The following FCRL4 variants were observed in gnomAD, a reference collection of about 807,000 sequenced individuals.
FCRL4 encodes Fc receptor-like protein 4.
FCRL4 carries 43 observed loss-of-function variants against 64.1 expected under a neutral mutation model. The ratio of observed to expected loss-of-function variants is 0.67; its 90% CI spans 0.53 to 0.87. The LOEUF (loss-of-function observed/expected upper bound fraction) is 0.87. Among genes scored for constraint, FCRL4 ranks in the 40% least tolerant of loss-of-function variants. The pLI, the probability that FCRL4 is intolerant of heterozygous loss-of-function variation, is 0.00. For synonymous variants in FCRL4, 253 were observed against 239.8 expected, an observed-to-expected ratio of 1.05 and a Z score of -0.51; for missense variants, 656 against 613.5, an observed-to-expected ratio of 1.07 and a Z score of -0.73.
At chr1:157,582,148 GGGCAGGAGAGA>G (rs1652574920) in intron 6 of FCRL4, among the ~76,000 whole-genome samples, 1 of 152,202 alleles carries the variant, frequency 6.6e-6, no homozygotes, top group African/African-American at 2.4e-5. Flanking sequence ...GTGCTCTGAA[GGGCAGGAGAGA>G]AAAAAACGGA....
intron 3 of FCRL4, 142 bp from the exon 4 acceptor site, chr1:157,588,261 A>G (rs947735760): frequency 9.9e-6 from 9 of 910,836 alleles, no homozygotes; most frequent in Non-Finnish European, 1.3e-5. Flanking sequence ...ACTCCTCCTA[A>G]ATCAGTGTAA....
At chr1:157,581,473 A>T (rs1229863492) in intron 7 of FCRL4, 58 bp downstream of exon 7, 1 of 1,456,290 alleles carries the variant, frequency 6.9e-7, no homozygotes. Flanking sequence ...GGCTGTCTGC[A>T]TGCTGAGTTC....
At chr1:157,594,567 T>C (rs764913501) in intron 2 of FCRL4, among the ~76,000 whole-genome samples, 5 of 152,248 alleles carry the variant, frequency 3.3e-5, no homozygotes, top group Non-Finnish European at 7.3e-5. Flanking sequence ...TTTTCAAAAA[T>C]AAAATCTCAA....
Position 157,587,865 on chromosome 1 carries a change from C to A in FCRL4, c.562G>T (p.Glu188Ter). Residue 188 changes from glutamate to a stop codon, truncating the protein, a stop_gained and splice_region_variant, in exon 4 of 12, where the codon GAA becomes TAA. Transcript: ENST00000271532. LOFTEE classifies it high-confidence loss of function. ...RSNFKIIKIQ[E>*]LFPHPELKAT... ...AATCTATATGAACTGAAAGATTCAC[C>A]TTGAATTTTAATTATTTTGAAATTT... 6.2e-7 allele frequency: 1 copy of A among 1,602,692 alleles called. No homozygotes were observed.
At chr1:157,589,558 C>G in intron 2 of FCRL4, 100 bp from the exon 3 acceptor site, 1 of 1,435,516 alleles carries the variant, frequency 7.0e-7, no homozygotes, top group South Asian at 1.3e-5. Context: ...TGGGAGATCC[C>G]TAAGATGCCC....
At position 157,585,395 on chromosome 1, in the gene FCRL4, C is replaced by CTTCT. The variant is rs1171212642; in HGVS notation, c.1135+769_1135+772dup. Among the ~76,000 whole-genome samples, 142 of 80,886 alleles carry CTTCT rather than the reference C, an allele frequency of 1.8e-3. 2 individuals are homozygous for CTTCT. The highest frequency in any genetic ancestry group is 6.1e-3 in the African/African-American group (126 of 20,496). The allele number at this position is 80,886 out of a possible 152,430, so 53.1% of individuals were successfully genotyped here. A position where few individuals can be genotyped will look rare whatever the true frequency, so the allele number is the denominator to read the frequency against. Reference sequence around the variant, plus strand: ...CTTTCTTTCTTTCTTTCTTTCTTTCCTTCTTTCTTTCTTTCTTTCTTTCTT... The same window carrying CTTCT: ...CTTTCTTTCTTTCTTTCTTTCTTTCCTTCTTTCTTTCTTTCTTTCTTTCTTTCTT... On this transcript the variant is annotated intron_variant, in intron 6 of 11. Transcript: ENST00000271532.
In FCRL4 at chr1:157,578,774, A is replaced by G; in HGVS notation, c.1356T>C (p.Val452=). The stretch of plus-strand genomic sequence containing the variant: ...TTCCTAGAAGGGAATCCTCACCATC[A>G]ACATACAACGACTGAAGCTCCACCT... ...PAQVELQSLY[V]DVHPKKGDLV... is the part of the protein sequence containing the mutation. The change falls in exon 9 of 12, where the codon GTT becomes GTC. Residue 452 remains valine, a synonymous_variant. Coordinates refer to ENST00000271532, the MANE Select transcript of FCRL4 (RefSeq NM_031282.3). The G allele has an allele frequency of 2.5e-6, 4 of 1,613,866 alleles. No homozygotes were observed. The highest frequency in any genetic ancestry group is 3.4e-6 in the Non-Finnish European group (4 of 1,179,818).
intron 6 of FCRL4, among the ~76,000 whole-genome samples, chr1:157,583,058 C>T (rs1395729889): frequency 1.3e-5 from 2 of 152,198 alleles, no homozygotes; most frequent in African/African-American, 4.8e-5. Flanking sequence ...GTTAGAAAGG[C>T]ACAGATTCTA....
intron 2 of FCRL4, among the ~76,000 whole-genome samples, chr1:157,592,797 TG>T (rs1456716428): frequency 1.3e-5 from 2 of 152,238 alleles, no homozygotes; most frequent in East Asian, 3.8e-4. Flanking sequence ...ATATGTTTAT[TG>T]TGGCACTGTT....
chr1:157,590,519 T>G (rs1652815278), intron 2 of FCRL4, among the ~76,000 whole-genome samples: 1 of 111,040 alleles, frequency 9.0e-6, no homozygotes, highest in Non-Finnish European at 1.7e-5. Context: ...TTAGTCTGTC[T>G]TTTTTTTTTT....
intron 2 of FCRL4, among the ~76,000 whole-genome samples, chr1:157,592,537 T>C (rs1379482919): frequency 1.3e-5 from 2 of 152,166 alleles, no homozygotes; most frequent in Non-Finnish European, 2.9e-5. Context: ...CACAATGAGA[T>C]ACCATCTCAT....
intron 10 of FCRL4, 81 bp from the exon 11 acceptor site, chr1:157,575,811 CTG>C (rs1652391616): frequency 1.5e-6 from 2 of 1,327,122 alleles, no homozygotes; most frequent in Admixed American, 3.4e-5. Flanking sequence ...GCCCTAGAGT[CTG>C]AGAGCCACTG....
rs1204604776 is a variant in FCRL4, at chr1:157,589,458, G to A, written c.53C>T (p.Ala18Val). Residue 18 changes from alanine (A) to valine (V), a missense_variant and splice_region_variant, in exon 3 of 12, where the codon GCA becomes GTA. Ala to Val is a moderately conservative substitution (Grantham distance 64, BLOSUM62 0). Coordinates refer to ENST00000271532, the MANE Select transcript of FCRL4 (RefSeq NM_031282.3). ...GGAAATCACAGGTTTGTGTGCAGCT[G>A]CTGAGGAGGAAAGAGTAATAGGTCT... ...LAFAPVCGQS[A>V]AAHKPVISVH... 4.3e-6 allele frequency: 7 copies of A among 1,613,680 alleles called. No individual in the cohort carries two copies. The highest frequency in any genetic ancestry group is 5.1e-6 in the Non-Finnish European group (6 of 1,179,598).
At chr1:157,587,191 C>T (rs1043601041) in intron 5 of FCRL4, 85 bp downstream of exon 5, 1 of 1,484,848 alleles carries the variant, frequency 6.7e-7, no homozygotes, top group Admixed American at 1.9e-5. Context: ...GATGATAAAA[C>T]CCATCTCTGC....
chr1:157,590,802 C>G (rs796950789), intron 2 of FCRL4, among the ~76,000 whole-genome samples: 3 of 152,186 alleles, frequency 2.0e-5, no homozygotes, highest in African/African-American at 7.2e-5. Flanking sequence ...CAGGCGTGAG[C>G]CACCATGCCC....
At chr1:157,592,548 G>T (rs894794342) in intron 2 of FCRL4, among the ~76,000 whole-genome samples, 1 of 152,166 alleles carries the variant, frequency 6.6e-6, no homozygotes, top group Non-Finnish European at 1.5e-5. Context: ...ACCATCTCAT[G>T]CCAGTTAGAA....
chr1:157,585,657 G>C (rs1274265574), intron 6 of FCRL4, among the ~76,000 whole-genome samples: 1 of 152,064 alleles, frequency 6.6e-6, no homozygotes, highest in Non-Finnish European at 1.5e-5. Context: ...TGCTTCTTGT[G>C]AGTTTCCTGA....
intron 6 of FCRL4, among the ~76,000 whole-genome samples, chr1:157,584,430 A>G (rs1326214782): frequency 1.3e-5 from 2 of 151,972 alleles, no homozygotes; most frequent in Admixed American, 1.3e-4. Flanking sequence ...CAGCTATTTG[A>G]GAGGCTGAGG....
Position 157,590,847 on chromosome 1 carries a change from G to A in FCRL4, c.53-1389C>T, listed in dbSNP as rs547673718. ...TATCTTTTATCAGGTTAATTTATGGGCCCCAGAAAATTAACCTGTAGGAAT... is the reference window on the plus strand; with the variant it reads ...TATCTTTTATCAGGTTAATTTATGGACCCCAGAAAATTAACCTGTAGGAAT... On this transcript the variant is annotated intron_variant, in intron 2 of 11. Transcript: ENST00000271532. 2.0e-4 allele frequency among the ~76,000 whole-genome samples: 31 copies of A among 152,200 alleles called. 1 individual carries two copies. In the South Asian group the frequency reaches 6.4e-3, roughly 32 times the overall value.
Sources: allele counts gnomAD v4.1 joint callset (sites outside exome capture counted in the v4.1 genomes callset), GRCh38; gene constraint gnomAD v4.1.1; transcripts MANE v1.5; gene names NCBI Gene and HGNC (gene_info 2026-07-23, HGNC 2026-07-21).